Variants in WWOX observed in about 807,000 individuals in gnomAD.
WWOX encodes WW domain containing oxidoreductase, also known as WW domain-containing oxidoreductase.
WWOX carries 69 observed loss-of-function variants against 46.2 expected under a neutral mutation model. The observed-to-expected ratio is 1.49, with a 90% CI of 1.23 to 1.82. The LOEUF is 1.82. Among genes scored for constraint, WWOX ranks in the 40% most tolerant of loss-of-function variants. WWOX has a pLI of 0.00. For synonymous variants in WWOX, 359 were observed against 202.6 expected (o/e 1.77, Z -6.56); for missense variants, 919 against 542.6 (o/e 1.69, Z -6.89).
chr16:78,456,428 A>C (rs2083817418), intron 8 of WWOX, among the ~76,000 whole-genome samples: 3 of 152,208 alleles, frequency 2.0e-5, no homozygotes, highest in African/African-American at 2.4e-5. Context: ...TAAACAAAGC[A>C]ATAGAAAATA....
chr16:79,025,575 C>T (rs1010659788), intron 8 of WWOX, among the ~76,000 whole-genome samples: 1 of 152,052 alleles, frequency 6.6e-6, no homozygotes, highest in African/African-American at 2.4e-5. Context: ...GAGAGGGGCA[C>T]AAATAGGTTC....
intron 8 of WWOX, among the ~76,000 whole-genome samples, chr16:78,744,258 C>G (rs1211418264): frequency 6.6e-6 from 1 of 152,016 alleles, no homozygotes; most frequent in African/African-American, 2.4e-5. Context: ...AAGCTGAAGG[C>G]ACAGGACTTT....
intron 5 of WWOX, among the ~76,000 whole-genome samples, chr16:78,331,442 A>T (rs942235042): frequency 6.6e-6 from 1 of 152,158 alleles, no homozygotes; most frequent in African/African-American, 2.4e-5. Context: ...ACAGTGTCTT[A>T]TTTTCCAGTT....
chr16:78,501,952 C>T (rs1225170298), intron 8 of WWOX, among the ~76,000 whole-genome samples: 1 of 152,122 alleles, frequency 6.6e-6, no homozygotes, highest in Non-Finnish European at 1.5e-5. Flanking sequence ...GATTTCGGTT[C>T]CTCTCAGAGT....
At chr16:78,506,572 G>C (rs1303096448) in intron 8 of WWOX, 2 of 152,108 alleles carry the variant, frequency 1.3e-5, no homozygotes, top group African/African-American at 4.8e-5. Flanking sequence ...AATCCCCTAA[G>C]TGGGAAGAGC....
At chr16:78,895,854 C>T (rs886575968) in intron 8 of WWOX, 2 of 152,128 alleles carry the variant, frequency 1.3e-5, no homozygotes, top group Non-Finnish European at 2.9e-5. Context: ...TGCTCTCATG[C>T]CAGGAAGCTG....
chr16:79,017,802 A>T (rs1382025654), intron 8 of WWOX, among the ~76,000 whole-genome samples: 5 of 152,188 alleles, frequency 3.3e-5, no homozygotes, highest in Admixed American at 2.6e-4. Context: ...TTTGCATAAC[A>T]AATTACAGAT....
In WWOX at chr16:79,091,352, C is replaced by G. The variant is rs192578210; in HGVS notation, c.1057-120256C>G. On this transcript the variant is annotated intron_variant, in intron 8 of 8. Coordinates refer to ENST00000566780, the MANE Select transcript of WWOX (RefSeq NM_016373.4). Reference sequence around the variant, plus strand: ...CATGAAATTTTTTTGTAATCTCATTCCTGTGTTGAAGCTCTTTCACTGCTT... The same window carrying G: ...CATGAAATTTTTTTGTAATCTCATTGCTGTGTTGAAGCTCTTTCACTGCTT... Among the ~76,000 whole-genome samples the G allele has an allele frequency of 5.9e-5, 9 of 151,658 alleles. 1 individual carries two copies. The highest frequency in any genetic ancestry group is 5.9e-4 in the Admixed American group (9 of 15,226).
chr16:78,440,528 T>C (rs1237867544), intron 8 of WWOX, among the ~76,000 whole-genome samples: 1 of 152,182 alleles, frequency 6.6e-6, no homozygotes, highest in African/African-American at 2.4e-5. Context: ...ACTCCTTATG[T>C]GTTGAATGAG....
At chr16:78,568,032 G>A (rs1229221614) in intron 8 of WWOX, among the ~76,000 whole-genome samples, 1 of 152,178 alleles carries the variant, frequency 6.6e-6, no homozygotes, top group Admixed American at 6.5e-5. Flanking sequence ...GAAGGCGGCA[G>A]GAGTCTTTGT....
At chr16:78,522,461 C>G (rs1228805585) in intron 8 of WWOX, among the ~76,000 whole-genome samples, 1 of 152,188 alleles carries the variant, frequency 6.6e-6, no homozygotes, top group Non-Finnish European at 1.5e-5. Context: ...CGGGCTCTGC[C>G]TGCAGTCTCT....
intron 5 of WWOX, among the ~76,000 whole-genome samples, chr16:78,254,654 T>TG (rs2038079597): frequency 6.6e-6 from 1 of 151,796 alleles, no homozygotes; most frequent in Admixed American, 6.6e-5. Context: ...CACAGCCTCC[T>TG]GAGCACCCGG....
At chr16:78,443,231 G>C (rs1212902927) in intron 8 of WWOX, among the ~76,000 whole-genome samples, 1 of 151,910 alleles carries the variant, frequency 6.6e-6, no homozygotes, top group Non-Finnish European at 1.5e-5. Flanking sequence ...CATGAACCTG[G>C]GAGGTGGAGG....
chr16:78,219,421 G>A (rs994846424), intron 5 of WWOX, among the ~76,000 whole-genome samples: 8 of 152,022 alleles, frequency 5.3e-5, no homozygotes, highest in African/African-American at 1.7e-4. Flanking sequence ...AAATGAAGCC[G>A]ACAAAATGCA....
At chr16:78,608,264 C>T (rs1007255242) in intron 8 of WWOX, among the ~76,000 whole-genome samples, 1 of 152,156 alleles carries the variant, frequency 6.6e-6, no homozygotes, top group East Asian at 1.9e-4. Context: ...GATGCTGATA[C>T]AGTCATGAGG....
In WWOX at chr16:78,347,128, C is replaced by T. The variant is rs1304496959; in HGVS notation, c.517-39732C>T. On this transcript the variant is annotated intron_variant, in intron 5 of 8. Transcript: ENST00000566780. ...CATTTTTAGTGTATTGACAGGTGTG[C>T]AGTCATCGTCACAATCAAGCCATAG... Among the ~76,000 whole-genome samples the T allele has an allele frequency of 1.3e-4, 15 of 118,726 alleles. 6 individuals are homozygous for T. Among genetic ancestry groups the T allele is most frequent in the Non-Finnish European group, 1.6e-4 (8 of 49,964 alleles). 77.9% of individuals were successfully genotyped at this position (118,726 alleles called of 152,430 possible).
At chr16:78,532,248 G>C (rs1260457208) in intron 8 of WWOX, among the ~76,000 whole-genome samples, 1 of 152,028 alleles carries the variant, frequency 6.6e-6, no homozygotes, top group African/African-American at 2.4e-5. Context: ...ATGAGTACTT[G>C]CAAAATGTAT....
At chr16:79,209,464 A>G (rs919044679) in intron 8 of WWOX, among the ~76,000 whole-genome samples, 1 of 152,338 alleles carries the variant, frequency 6.6e-6, no homozygotes, top group South Asian at 2.1e-4. Context: ...GTGAAAGGCC[A>G]GTCTGTCATG....
chr16:78,341,168 A>AT (rs60247224), intron 5 of WWOX, among the ~76,000 whole-genome samples: 37,170 of 105,626 alleles, frequency 0.35, 12,282 homozygotes, highest in South Asian at 0.55. Flanking sequence ...TCCAACTGTA[A>AT]TTTTTTTTTT....
Sources: allele counts gnomAD v4.1 joint callset (sites outside exome capture counted in the v4.1 genomes callset), GRCh38; gene constraint gnomAD v4.1.1; transcripts MANE v1.5; gene names NCBI Gene and HGNC (gene_info 2026-07-23, HGNC 2026-07-21).